The following GUCY1A1 variants were observed in gnomAD, a reference collection of about 807,000 sequenced individuals.
The protein encoded by GUCY1A1 is guanylate cyclase 1 soluble subunit alpha 1, also known as guanylate cyclase soluble subunit alpha-1.
In GUCY1A1, 48 loss-of-function variants were observed where a neutral mutation model predicts 64.5. The observed-to-expected ratio is 0.74, with a 90% CI of 0.59 to 0.95. GUCY1A1 has a LOEUF of 0.95. GUCY1A1 is among the 40% of genes least tolerant of loss of function. GUCY1A1 has a pLI of 0.00. For missense variants in GUCY1A1, 804 were observed against 825.3 expected (o/e 0.97, Z 0.32); for synonymous variants, 308 against 303.4 (o/e 1.02, Z -0.16).
At chr4:155,726,740 T>G (rs1056328419) in intron 9 of GUCY1A1, among the ~76,000 whole-genome samples, 1 of 151,972 alleles carries the variant, frequency 6.6e-6, no homozygotes, top group Non-Finnish European at 1.5e-5. Flanking sequence ...TTAAACATTG[T>G]CAGGAGTTTT....
intron 2 of GUCY1A1, among the ~76,000 whole-genome samples, chr4:155,682,458 C>G (rs138430265): frequency 5.3e-5 from 8 of 152,046 alleles, no homozygotes; most frequent in Non-Finnish European, 1.2e-4. Context: ...GGGCGGATCA[C>G]GAGGTTAGGA....
At chr4:155,728,179 G>A (rs78456780) in intron 9 of GUCY1A1, among the ~76,000 whole-genome samples, 1,614 of 152,004 alleles carry the variant, frequency 0.011, 42 homozygotes, top group African/African-American at 0.037. Flanking sequence ...CATAAATCTA[G>A]ATTATTCATT....
intron 2 of GUCY1A1, among the ~76,000 whole-genome samples, chr4:155,668,455 A>G (rs1003180557): frequency 6.6e-6 from 1 of 152,200 alleles, no homozygotes; most frequent in Admixed American, 6.5e-5. Context: ...ACATATCAAT[A>G]GTGATGTTTT....
intron 9 of GUCY1A1, among the ~76,000 whole-genome samples, chr4:155,726,720 C>A (rs1248296592): frequency 6.6e-6 from 1 of 151,910 alleles, no homozygotes; most frequent in African/African-American, 2.4e-5. Context: ...CAGTTATACA[C>A]TCCTGTTTTT....
chr4:155,710,058 G>GA (rs1319404541), intron 5 of GUCY1A1, among the ~76,000 whole-genome samples: 1 of 152,064 alleles, frequency 6.6e-6, no homozygotes, highest in Non-Finnish European at 1.5e-5. Flanking sequence ...TTTGATTCAG[G>GA]AAAAAATGCT....
chr4:155,706,813 CA>C (rs1315461211), intron 4 of GUCY1A1, among the ~76,000 whole-genome samples: 1 of 152,168 alleles, frequency 6.6e-6, no homozygotes, highest in Non-Finnish European at 1.5e-5. Flanking sequence ...GCTCATTTGG[CA>C]AATTTTGTCA....
intron 2 of GUCY1A1, among the ~76,000 whole-genome samples, chr4:155,674,058 T>C (rs761982897): frequency 6.6e-6 from 1 of 151,488 alleles, no homozygotes. Context: ...AAGCACTCAG[T>C]GAAAACGTGT....
Position 155,736,543 on chromosome 4 carries a change from T to C in GUCY1A1, c.*6312T>C, listed in dbSNP as rs1560984204. On this transcript the variant is annotated 3_prime_UTR_variant, in exon 10 of 10. Transcript: ENST00000506455. ...GAACTTACTGTTTAGAGAGAAAAAA[T>C]AGTAAATAATGTTCAAAATGAGAAG... 1.3e-5 allele frequency: 2 copies of C among 151,854 alleles called. No homozygotes were observed. The highest frequency in any genetic ancestry group is 4.8e-5 in the African/African-American group (2 of 41,366). The allele number at this position is 151,854 out of a possible 1,614,324, so 9.4% of individuals were successfully genotyped here.
At chr4:155,710,045 C>T (rs568244177) in intron 5 of GUCY1A1, among the ~76,000 whole-genome samples, 85 of 152,206 alleles carry the variant, frequency 5.6e-4, no homozygotes, top group African/African-American at 1.9e-3. Flanking sequence ...AACAAGAATG[C>T]GATTTGATTC....
At chr4:155,725,228 G>A (rs111605923) in intron 9 of GUCY1A1, among the ~76,000 whole-genome samples, 20 of 152,082 alleles carry the variant, frequency 1.3e-4, no homozygotes, top group African/African-American at 3.6e-4. Flanking sequence ...AGATCAGCGC[G>A]TGAAACACAG....
At chr4:155,686,467 C>A (rs74649720) in intron 2 of GUCY1A1, among the ~76,000 whole-genome samples, 32 of 152,252 alleles carry the variant, frequency 2.1e-4, no homozygotes, top group Admixed American at 7.2e-4. Context: ...GGCTACAGAG[C>A]GAGACTCCGT....
intron 2 of GUCY1A1, among the ~76,000 whole-genome samples, chr4:155,689,567 G>T (rs796776210): frequency 1.3e-5 from 2 of 152,178 alleles, no homozygotes; most frequent in African/African-American, 2.4e-5. Flanking sequence ...TAAAAACTGA[G>T]AAACAAAATG....
At position 155,736,473 on chromosome 4, in the gene GUCY1A1, T is replaced by C. The variant is rs1387939073; in HGVS notation, c.*6242T>C. ...CCTAGACCACCCTAGTGAAGTACCA[T>C]AGACCATATTGTCTAGATGGGACAA... On this transcript the variant is annotated 3_prime_UTR_variant, in exon 10 of 10. Transcript: ENST00000506455. 3.3e-5 allele frequency: 5 copies of C among 152,000 alleles called. No homozygotes were observed. Among genetic ancestry groups the C allele is most frequent in the African/African-American group, 4.8e-5 (2 of 41,428 alleles). 9.4% of individuals were successfully genotyped at this position (152,000 alleles called of 1,614,324 possible). A position where few individuals can be genotyped will look rare whatever the true frequency, so the allele number is the denominator to read the frequency against.
intron 8 of GUCY1A1, among the ~76,000 whole-genome samples, chr4:155,720,371 CTA>C (rs1733816865): frequency 7.0e-6 from 1 of 142,042 alleles, no homozygotes; most frequent in Admixed American, 7.2e-5. Context: ...ATCTATCTAT[CTA>C]TCTATCACTT....
intron 4 of GUCY1A1, among the ~76,000 whole-genome samples, chr4:155,706,839 T>C (rs1323940682): frequency 6.6e-6 from 1 of 152,234 alleles, no homozygotes; most frequent in Admixed American, 6.5e-5. Context: ...CACTCATCAC[T>C]ATCAGAAATC....
chr4:155,693,715 T>G (rs571311016), intron 2 of GUCY1A1, among the ~76,000 whole-genome samples: 2 of 152,316 alleles, frequency 1.3e-5, no homozygotes, highest in African/African-American at 4.8e-5. Context: ...TGTTGGCTGT[T>G]TTTGCTTTAA....
chr4:155,716,418 C>CT (rs1246311511), intron 7 of GUCY1A1, among the ~76,000 whole-genome samples: 1 of 152,120 alleles, frequency 6.6e-6, no homozygotes, highest in Non-Finnish European at 1.5e-5. Flanking sequence ...TAACTATCTG[C>CT]TTTTTGCAGC....
chr4:155,668,697 A>T (rs1202774116), intron 2 of GUCY1A1, among the ~76,000 whole-genome samples: 1 of 152,152 alleles, frequency 6.6e-6, no homozygotes. Context: ...TTTAAGAGTG[A>T]TCATTTCAGG....
At chr4:155,718,105 A>G (rs1000768917) in intron 8 of GUCY1A1, among the ~76,000 whole-genome samples, 1 of 152,278 alleles carries the variant, frequency 6.6e-6, no homozygotes, top group African/African-American at 2.4e-5. Context: ...CATGGTAGGC[A>G]TTGGTTTAAC....
Sources: allele counts gnomAD v4.1 joint callset (sites outside exome capture counted in the v4.1 genomes callset), GRCh38; gene constraint gnomAD v4.1.1; transcripts MANE v1.5; gene names NCBI Gene and HGNC (gene_info 2026-07-23, HGNC 2026-07-21).